The following MTMR12 variants were observed in gnomAD, a reference collection of about 807,000 sequenced individuals.
MTMR12 encodes myotubularin related protein 12.
MTMR12 carries 33 observed loss-of-function variants against 96.7 expected under a neutral mutation model. The ratio of observed to expected loss-of-function variants is 0.34; its 90% CI spans 0.26 to 0.46. The LOEUF is 0.46. Ranked by LOEUF, MTMR12 falls within the 20% of genes least tolerant of loss-of-function variation. The pLI, the probability that MTMR12 is intolerant of heterozygous loss-of-function variation, is 1.00. For synonymous variants in MTMR12, 298 were observed against 327.2 expected, an observed-to-expected ratio of 0.91 and a Z score of 0.96; for missense variants, 721 against 896.1, an observed-to-expected ratio of 0.80 and a Z score of 2.49.
At chr5:32,299,056 C>T (rs1483545420) in intron 1 of MTMR12, among the ~76,000 whole-genome samples, 1 of 149,846 alleles carries the variant, frequency 6.7e-6, no homozygotes, top group Non-Finnish European at 1.5e-5. Context: ...CATGAATGCG[C>T]ACACACACAC....
intron 5 of MTMR12, 99 bp from the exon 6 acceptor site, chr5:32,268,893 G>A (rs1399123220): frequency 3.9e-5 from 33 of 848,586 alleles, no homozygotes; most frequent in Non-Finnish European, 1.2e-5. Flanking sequence ...CATGCCAAAG[G>A]GGTTCCAATG....
intron 15 of MTMR12, among the ~76,000 whole-genome samples, chr5:32,231,381 CAAAAAAA>C (rs548654471): frequency 0.022 from 1,036 of 47,268 alleles, 16 homozygotes; most frequent in African/African-American, 0.07. Context: ...CTCTGGCTCG[CAAAAAAA>C]AAAAAAAAAA....
chr5:32,249,129 G>C (rs1317310997), intron 8 of MTMR12, among the ~76,000 whole-genome samples: 1 of 152,206 alleles, frequency 6.6e-6, no homozygotes, highest in African/African-American at 2.4e-5. Context: ...CTTATCATCA[G>C]CTGGTAACCC....
At chr5:32,279,785 A>G (rs1750216756) in intron 1 of MTMR12, among the ~76,000 whole-genome samples, 1 of 152,176 alleles carries the variant, frequency 6.6e-6, no homozygotes, top group South Asian at 2.1e-4. Context: ...CATTACTTAG[A>G]TTCTCATAGG....
rs895022591 is a variant in MTMR12 at position 32,235,254 on chromosome 5, A to T, written c.1345-125T>A. ...CTGAGGACTTCATTCTCTGGGAAAC[A>T]CAGAATACTCCATACCATCCCAAGT... On this transcript the variant is annotated intron_variant, in intron 13 of 15. Transcript: ENST00000382142. The T allele has an allele frequency of 2.7e-5, 22 of 817,850 alleles. No homozygotes were observed. In the African/African-American group the frequency reaches 3.5e-4, roughly 13 times the overall value. 50.7% of individuals were successfully genotyped at this position (817,850 alleles called of 1,614,324 possible). A position where few individuals can be genotyped will look rare whatever the true frequency, so the allele number is the denominator to read the frequency against.
intron 1 of MTMR12, among the ~76,000 whole-genome samples, chr5:32,277,953 C>G (rs2112098637): frequency 6.6e-6 from 1 of 152,246 alleles, no homozygotes; most frequent in East Asian, 1.9e-4. Context: ...TACCTAAAAC[C>G]ACAAGACAGT....
chr5:32,257,664 G>A (rs950934803), intron 7 of MTMR12, among the ~76,000 whole-genome samples: 2 of 152,072 alleles, frequency 1.3e-5, no homozygotes, highest in Non-Finnish European at 2.9e-5. Context: ...AGCTACTCGA[G>A]AGGCTGAAGC....
chr5:32,265,946 G>A (rs906884283), intron 6 of MTMR12, among the ~76,000 whole-genome samples: 5 of 152,144 alleles, frequency 3.3e-5, no homozygotes, highest in Non-Finnish European at 7.3e-5. Flanking sequence ...TTGAACACAG[G>A]TCAAATGGAC....
At chr5:32,279,290 C>T (rs765163692) in intron 1 of MTMR12, among the ~76,000 whole-genome samples, 55 of 151,816 alleles carry the variant, frequency 3.6e-4, no homozygotes, top group African/African-American at 1.3e-3. Flanking sequence ...TATGGTAGTA[C>T]ACACCTGAAG....
In MTMR12 at chr5:32,248,044, T is replaced by C. The variant is rs1415061586; in HGVS notation, c.979A>G (p.Ile327Val). The change falls in exon 10 of 16, where the codon ATC becomes GTC. Residue 327 changes from isoleucine (I) to valine (V), a missense_variant. Ile to Val is a conservative substitution (Grantham distance 29). Transcript: ENST00000382142. ...TTAAATTTAGAGTATGCAGTCTGGA[T>C]TTCCTGCAGGGACAGGAAGTTGCTT... ...LSSNFLSLQE[I>V]QTAYSKFKQL... 1 of 1,614,066 alleles carries C rather than the reference T, an allele frequency of 6.2e-7. No individual in the cohort carries two copies. Among genetic ancestry groups the C allele is most frequent in the Non-Finnish European group, 8.5e-7 (1 of 1,179,886 alleles).
rs1422325664 is a variant in MTMR12, at chr5:32,230,166, T to C, written c.1856A>G (p.Lys619Arg). 1 of 1,614,168 alleles carries C rather than the reference T, an allele frequency of 6.2e-7. No individual in the cohort carries two copies. Residue 619 changes from lysine to arginine, a missense_variant, in exon 16 of 16, where the codon AAG becomes AGG. Coordinates refer to ENST00000382142, the MANE Select transcript of MTMR12 (RefSeq NM_001040446.3). ...FREFYDSWHS[K>R]STDYHGLLLP... is the part of the protein sequence containing the mutation. ...CAACAAACCATGGTAGTCAGTGGAC[T>C]TGCTATGCCAGCTGTCATAGAACTC...
chr5:32,238,885 A>C, intron 13 of MTMR12, 116 bp downstream of exon 13: 1 of 1,187,724 alleles, frequency 8.4e-7, no homozygotes, highest in Non-Finnish European at 1.1e-6. Context: ...TTCTTAACAA[A>C]CCTGTTTGGC....
At chr5:32,241,588 T>C (rs562237324) in intron 12 of MTMR12, among the ~76,000 whole-genome samples, 46 of 152,284 alleles carry the variant, frequency 3.0e-4, no homozygotes, top group Non-Finnish European at 5.9e-4. Flanking sequence ...TTCTGAATGT[T>C]TGCATCATGT....
At chr5:32,239,496 G>A (rs1748379213) in intron 12 of MTMR12, among the ~76,000 whole-genome samples, 2 of 152,336 alleles carry the variant, frequency 1.3e-5, no homozygotes, top group South Asian at 2.1e-4. Flanking sequence ...CACAGAGACA[G>A]GAGAATCACC....
At chr5:32,262,682 G>A (rs909029982) in intron 7 of MTMR12, among the ~76,000 whole-genome samples, 2 of 152,040 alleles carry the variant, frequency 1.3e-5, no homozygotes, top group African/African-American at 4.8e-5. Context: ...TAATCCAATA[G>A]TCCATCAACT....
chr5:32,276,872 ACTTT>A (rs1750072710), intron 1 of MTMR12, 130 bp from the exon 2 acceptor site: 44 of 298,262 alleles, frequency 1.5e-4, no homozygotes, highest in Middle Eastern at 1.8e-3. Flanking sequence ...GTTACAAGCT[ACTTT>A]TTTTTTTTTT....
intron 1 of MTMR12, among the ~76,000 whole-genome samples, chr5:32,292,663 A>G (rs56816393): frequency 0.37 from 56,584 of 152,028 alleles, 10,839 homozygotes; most frequent in East Asian, 0.49. Flanking sequence ...CATGCCCTGC[A>G]ATTAAGGTCA....
chr5:32,263,374 T>C (rs1269229851), intron 6 of MTMR12, 132 bp from the exon 7 acceptor site: 2 of 1,048,352 alleles, frequency 1.9e-6, no homozygotes, highest in Non-Finnish European at 2.7e-6. Context: ...ATGAATTGAT[T>C]GCTTAATCCT....
Position 32,247,992 on chromosome 5 carries a change from T to C in MTMR12, c.1021+10A>G. On this transcript the variant is annotated intron_variant, in intron 10 of 15. Coordinates refer to ENST00000382142, the MANE Select transcript of MTMR12 (RefSeq NM_001040446.3). ...ATAACACAAAAGTTTTTGCTCAGTA[T>C]TCTTCTCACCTATCAGAAATAGCTG... is the stretch of plus-strand genomic sequence containing the variant. 6.2e-7 allele frequency: 1 copy of C among 1,612,630 alleles called. No homozygotes were observed. The highest frequency in any genetic ancestry group is 1.7e-5 in the Admixed American group (1 of 59,868).
Sources: allele counts gnomAD v4.1 joint callset (sites outside exome capture counted in the v4.1 genomes callset), GRCh38; gene constraint gnomAD v4.1.1; transcripts MANE v1.5; gene names NCBI Gene and HGNC (gene_info 2026-07-23, HGNC 2026-07-21).